The following CTNNA1 variants were observed in gnomAD, a reference collection of about 807,000 sequenced individuals.
CTNNA1 encodes the protein catenin alpha-1.
In CTNNA1, 37 loss-of-function variants were observed where a neutral mutation model predicts 98.4. The observed-to-expected ratio is 0.38, with a 90% CI of 0.29 to 0.49. CTNNA1 has a LOEUF of 0.49. Ranked by LOEUF, CTNNA1 falls within the 20% of genes least tolerant of loss-of-function variation. The pLI is 0.95. For synonymous variants in CTNNA1, 404 were observed against 413.2 expected (o/e 0.98, Z 0.27); for missense variants, 761 against 1,147.2 (o/e 0.66, Z 4.86).
chr5:138,796,050 C>G (rs1473384928), intron 3 of CTNNA1, among the ~76,000 whole-genome samples: 1 of 151,922 alleles, frequency 6.6e-6, no homozygotes, highest in African/African-American at 2.4e-5. Flanking sequence ...ATTAAGTATT[C>G]TTCTACAACA....
intron 1 of CTNNA1, among the ~76,000 whole-genome samples, chr5:138,769,330 C>G (rs1330814374): frequency 6.6e-6 from 1 of 151,914 alleles, no homozygotes; most frequent in African/African-American, 2.4e-5. Flanking sequence ...TTTCTCCTCC[C>G]TTAGTCCCAC....
intron 1 of CTNNA1, among the ~76,000 whole-genome samples, chr5:138,778,787 A>T (rs993566584): frequency 6.6e-6 from 1 of 152,222 alleles, no homozygotes; most frequent in African/African-American, 2.4e-5. Flanking sequence ...CTCATGCATT[A>T]GTCAATGGAT....
chr5:138,846,215 G>C (rs1256639923), intron 7 of CTNNA1, among the ~76,000 whole-genome samples: 1 of 152,222 alleles, frequency 6.6e-6, no homozygotes, highest in African/African-American at 2.4e-5. Flanking sequence ...GCCTCTCAAA[G>C]TGCTGGGATT....
chr5:138,848,950 C>G (rs896043849), intron 7 of CTNNA1, among the ~76,000 whole-genome samples: 1 of 152,162 alleles, frequency 6.6e-6, no homozygotes, highest in Admixed American at 6.5e-5. Flanking sequence ...TCTCGAACTC[C>G]TGACCTCATG....
At chr5:138,917,287 C>G (rs935593959) in intron 10 of CTNNA1, among the ~76,000 whole-genome samples, 4 of 152,128 alleles carry the variant, frequency 2.6e-5, no homozygotes, top group Non-Finnish European at 4.4e-5. Flanking sequence ...CCCAGACATC[C>G]TACAATAGGA....
intron 1 of CTNNA1, among the ~76,000 whole-genome samples, chr5:138,767,105 T>C (rs1460704866): frequency 6.6e-6 from 1 of 152,202 alleles, no homozygotes; most frequent in African/African-American, 2.4e-5. Flanking sequence ...GGCGTGATCT[T>C]GGCTCACTGC....
intron 7 of CTNNA1, among the ~76,000 whole-genome samples, chr5:138,878,222 C>G (rs935999046): frequency 2.0e-5 from 3 of 152,182 alleles, no homozygotes; most frequent in African/African-American, 4.8e-5. Context: ...AGCCATCTTT[C>G]TCACCTGCCC....
At chr5:138,778,871 C>A (rs943660363) in intron 1 of CTNNA1, among the ~76,000 whole-genome samples, 20 of 151,808 alleles carry the variant, frequency 1.3e-4, no homozygotes, top group African/African-American at 4.9e-4. Context: ...TATGAGGGAT[C>A]TAGTTCAAAG....
chr5:138,835,479 T>G (rs1452942419), intron 7 of CTNNA1, among the ~76,000 whole-genome samples: 1 of 152,208 alleles, frequency 6.6e-6, no homozygotes, highest in Non-Finnish European at 1.5e-5. Context: ...ATTTGAAGAT[T>G]ATTTTATTGA....
At chr5:138,889,465 A>G (rs1322752603) in intron 9 of CTNNA1, among the ~76,000 whole-genome samples, 1 of 152,186 alleles carries the variant, frequency 6.6e-6, no homozygotes, top group Non-Finnish European at 1.5e-5. Context: ...CCCTCCAATA[A>G]TGAGCACTGT....
intron 7 of CTNNA1, chr5:138,869,557 A>G (rs1421381878): frequency 6.6e-6 from 1 of 152,222 alleles, no homozygotes; most frequent in Non-Finnish European, 1.5e-5. Context: ...CAGAAAAAGA[A>G]CAGGACATTT....
intron 7 of CTNNA1, among the ~76,000 whole-genome samples, chr5:138,884,690 A>C (rs1209620012): frequency 6.6e-6 from 1 of 152,162 alleles, no homozygotes; most frequent in East Asian, 1.9e-4. Context: ...GTTGTGCCTG[A>C]ATTCCAAAGG....
intron 3 of CTNNA1, among the ~76,000 whole-genome samples, chr5:138,806,180 A>G (rs1758063729): frequency 6.6e-6 from 1 of 152,176 alleles, no homozygotes; most frequent in Non-Finnish European, 1.5e-5. Flanking sequence ...AAATCAGAAT[A>G]TATTTCTGGA....
At chr5:138,887,313 T>TC (rs2150030674) in intron 8 of CTNNA1, among the ~76,000 whole-genome samples, 177 bp from the exon 9 acceptor site, 1 of 152,270 alleles carries the variant, frequency 6.6e-6, no homozygotes, top group East Asian at 1.9e-4. Flanking sequence ...GTCTCCATGA[T>TC]CATGTTTCCT....
At chr5:138,791,315 C>T (rs1756330343) in intron 3 of CTNNA1, among the ~76,000 whole-genome samples, 1 of 152,074 alleles carries the variant, frequency 6.6e-6, no homozygotes, top group African/African-American at 2.4e-5. Context: ...TTACATAAAT[C>T]ATCTTTTATG....
chr5:138,845,471 A>G (rs897306989), intron 7 of CTNNA1, among the ~76,000 whole-genome samples: 1 of 152,236 alleles, frequency 6.6e-6, no homozygotes, highest in African/African-American at 2.4e-5. Flanking sequence ...AGAAAGTCAC[A>G]TGCTATAGAA....
At chr5:138,850,043 A>G (rs1232519799) in intron 7 of CTNNA1, among the ~76,000 whole-genome samples, 1 of 152,152 alleles carries the variant, frequency 6.6e-6, no homozygotes, top group Non-Finnish European at 1.5e-5. Context: ...TTTGACTTAT[A>G]TGGAAAGTTA....
At position 138,854,056 on chromosome 5, in the gene CTNNA1, G is replaced by A. The variant is rs1763492205; in HGVS notation, c.1062+26338G>A. 2.0e-5 allele frequency among the ~76,000 whole-genome samples: 3 copies of A among 152,152 alleles called. No homozygotes were observed. In the South Asian group the frequency reaches 6.2e-4, roughly 31 times the overall value. ...GGTTTTTGGAGCCTTTCCTGCTATA[G>A]CATTCTATGATAAACCTTCCTTTCA... On this transcript the variant is annotated intron_variant, in intron 7 of 17. Transcript: ENST00000302763.
At position 138,874,803 on chromosome 5, in the gene CTNNA1, C is replaced by A; in HGVS notation, c.1063-11409C>A. 8.5e-7 allele frequency: 1 copy of A among 1,179,744 alleles called. No homozygotes were observed. 73.1% of individuals were successfully genotyped at this position (1,179,744 alleles called of 1,614,324 possible). A position where few individuals can be genotyped will look rare whatever the true frequency, so the allele number is the denominator to read the frequency against. On this transcript the variant is annotated intron_variant, in intron 7 of 17. Coordinates refer to ENST00000302763, the MANE Select transcript of CTNNA1 (RefSeq NM_001903.5). The surrounding 1 kb of genome is among the most constrained non-coding windows in gnomAD (Gnocchi z 4.1). ...TATGCTTTTACCTAAACCTCAAAAT[C>A]CAAAATATGATGGTGATTTCCCTCA...
Sources: gnomAD v4.1 joint callset for allele counts (sites outside exome capture counted in the v4.1 genomes callset) on GRCh38, gnomAD v4.1.1 for gene constraint, Gnocchi (gnomAD v3.1) non-coding constraint, MANE v1.5 for transcripts, NCBI Gene and HGNC (gene_info 2026-07-23, HGNC 2026-07-21) for gene names.